Variants in ASZ1 observed in about 807,000 individuals in gnomAD.
ASZ1 encodes ankyrin repeat, SAM and basic leucine zipper domain-containing protein 1.
A neutral mutation model predicts 61.8 loss-of-function variants in ASZ1; 67 were observed. The ratio of observed to expected loss-of-function variants is 1.08; its 90% CI spans 0.89 to 1.33. ASZ1 has a LOEUF of 1.33. Among genes scored for constraint, ASZ1 ranks in the 40% most tolerant of loss-of-function variants. The pLI is 0.00. For missense variants in ASZ1, 577 were observed against 554.5 expected, an observed-to-expected ratio of 1.04 and a Z score of -0.41; for synonymous variants, 193 against 192.7, an observed-to-expected ratio of 1.00 and a Z score of -0.01.
At chr7:117,409,956 C>T (rs929666828) in intron 4 of ASZ1, among the ~76,000 whole-genome samples, 7 of 151,754 alleles carry the variant, frequency 4.6e-5, no homozygotes, top group African/African-American at 1.7e-4. Context: ...GCAAAATTTT[C>T]ATTAATTCTT....
chr7:117,389,880 C>A (rs1010701804), intron 4 of ASZ1, among the ~76,000 whole-genome samples: 2 of 152,186 alleles, frequency 1.3e-5, no homozygotes, highest in Admixed American at 6.5e-5. Flanking sequence ...TATGGGCAGC[C>A]AGCAGCTGGA....
intron 1 of ASZ1, 45 bp downstream of exon 1, chr7:117,427,311 G>A: frequency 1.3e-6 from 2 of 1,598,136 alleles, no homozygotes; most frequent in Non-Finnish European, 1.7e-6. Flanking sequence ...GAGGGCCAGG[G>A]GAGGCTGAAA....
chr7:117,365,475 C>A (rs1034052228), intron 12 of ASZ1, among the ~76,000 whole-genome samples: 1 of 152,110 alleles, frequency 6.6e-6, no homozygotes, highest in Non-Finnish European at 1.5e-5. Context: ...CATTTTAATT[C>A]TATACACACA....
chr7:117,406,187 A>G (rs1484324040), intron 4 of ASZ1, among the ~76,000 whole-genome samples: 1 of 152,240 alleles, frequency 6.6e-6, no homozygotes, highest in Non-Finnish European at 1.5e-5. Flanking sequence ...AAGTAATGCT[A>G]ACCTAGAATT....
At chr7:117,418,974 G>C (rs887285061) in intron 4 of ASZ1, among the ~76,000 whole-genome samples, 2 of 151,824 alleles carry the variant, frequency 1.3e-5, no homozygotes, top group Admixed American at 6.6e-5. Flanking sequence ...AAAAAATACA[G>C]GTTTGCAGGT....
intron 4 of ASZ1, among the ~76,000 whole-genome samples, chr7:117,415,373 T>C (rs913616663): frequency 2.0e-5 from 3 of 152,222 alleles, no homozygotes; most frequent in African/African-American, 7.2e-5. Context: ...CTATATATAC[T>C]ACACACCCAA....
chr7:117,427,285 G>C (rs1797241174), intron 1 of ASZ1, 71 bp downstream of exon 1: 2 of 1,506,992 alleles, frequency 1.3e-6, no homozygotes, highest in Non-Finnish European at 1.8e-6. Context: ...GTTTCACGAG[G>C]CTGGGCCTCG....
At chr7:117,402,433 G>C (rs1796697792) in intron 4 of ASZ1, among the ~76,000 whole-genome samples, 1 of 152,170 alleles carries the variant, frequency 6.6e-6, no homozygotes, top group Admixed American at 6.5e-5. Flanking sequence ...GCATTGAGTT[G>C]TTGCTCCATG....
At chr7:117,377,226 G>T (rs2116459662) in intron 10 of ASZ1, among the ~76,000 whole-genome samples, 1 of 152,228 alleles carries the variant, frequency 6.6e-6, no homozygotes, top group South Asian at 2.1e-4. Context: ...ATGACAAAAT[G>T]CTGATGAAAG....
At chr7:117,375,575 C>T (rs1796121742) in intron 10 of ASZ1, among the ~76,000 whole-genome samples, 1 of 152,042 alleles carries the variant, frequency 6.6e-6, no homozygotes, top group African/African-American at 2.4e-5. Context: ...CTCTATGTCT[C>T]CATCTAGCCA....
intron 4 of ASZ1, among the ~76,000 whole-genome samples, chr7:117,405,157 C>T (rs1490022717): frequency 6.6e-6 from 1 of 152,136 alleles, no homozygotes; most frequent in Non-Finnish European, 1.5e-5. Flanking sequence ...CCCACTAGAG[C>T]TCTCCATGGG....
At chr7:117,409,420 G>C (rs1055289728) in intron 4 of ASZ1, among the ~76,000 whole-genome samples, 1 of 151,760 alleles carries the variant, frequency 6.6e-6, no homozygotes, top group Admixed American at 6.6e-5. Flanking sequence ...TTTACAGTTT[G>C]TCACTGAAAA....
chr7:117,422,230 A>T lies in ASZ1; in HGVS notation c.328+7T>A. ...CATAATCATTTAAGTTATCTAAAACATCTTACCCTTCTCAAAGCTTGCATT... is the reference window on the plus strand; with the variant it reads ...CATAATCATTTAAGTTATCTAAAACTTCTTACCCTTCTCAAAGCTTGCATT... On this transcript the variant is annotated splice_region_variant and intron_variant, in intron 3 of 12. Coordinates refer to ENST00000284629, the MANE Select transcript of ASZ1 (RefSeq NM_130768.3). The T allele has an allele frequency of 1.2e-6, 2 of 1,611,836 alleles. No individual in the cohort carries two copies. Among genetic ancestry groups the T allele is most frequent in the Non-Finnish European group, 1.7e-6 (2 of 1,179,400 alleles).
chr7:117,380,670 T>TGTTA (rs1483889272), intron 9 of ASZ1, among the ~76,000 whole-genome samples: 1 of 151,596 alleles, frequency 6.6e-6, no homozygotes. Flanking sequence ...TTGGGAGACG[T>TGTTA]GTTAATACCC....
chr7:117,379,160 T>C (rs1366452262), intron 10 of ASZ1, among the ~76,000 whole-genome samples: 30 of 56,436 alleles, frequency 5.3e-4, no homozygotes, highest in African/African-American at 3.3e-3. Context: ...TATATATATA[T>C]ATATATATAC....
chr7:117,370,167 GA>G (rs904798861), intron 10 of ASZ1, among the ~76,000 whole-genome samples: 3 of 152,086 alleles, frequency 2.0e-5, no homozygotes, highest in East Asian at 1.9e-4. Context: ...ACCTCAATGG[GA>G]AAAAAATACA....
intron 4 of ASZ1, among the ~76,000 whole-genome samples, chr7:117,406,755 A>AC (rs34742348): frequency 1.1e-4 from 8 of 69,648 alleles, no homozygotes; most frequent in African/African-American, 3.7e-4. Context: ...ACTCCATCTC[A>AC]AAAAAAAAAA....
At chr7:117,371,969 G>A (rs10225824) in intron 10 of ASZ1, among the ~76,000 whole-genome samples, 25,507 of 152,052 alleles carry the variant, frequency 0.17, 2,296 homozygotes, top group Non-Finnish European at 0.19. Context: ...TGAATGAAAC[G>A]AAAATATATA....
chr7:117,371,682 TCA>T (rs1396777643), intron 10 of ASZ1, among the ~76,000 whole-genome samples: 2 of 152,148 alleles, frequency 1.3e-5, no homozygotes, highest in Non-Finnish European at 1.5e-5. Context: ...AACTTAGATT[TCA>T]GTGTTCTTTA....
Sources: allele counts gnomAD v4.1 joint callset (sites outside exome capture counted in the v4.1 genomes callset), GRCh38; gene constraint gnomAD v4.1.1; transcripts MANE v1.5; gene names NCBI Gene and HGNC (gene_info 2026-07-23, HGNC 2026-07-21).